The following IGSF8 variants were observed in gnomAD, a reference collection of about 807,000 sequenced individuals.
IGSF8 encodes CD81 partner 3.
A neutral mutation model predicts 55.5 loss-of-function variants in IGSF8; 46 were observed. The observed-to-expected ratio is 0.83, with a 90% CI of 0.65 to 1.06. The LOEUF (loss-of-function observed/expected upper bound fraction) is 1.06. Among genes scored for constraint, IGSF8 ranks in the 50% least tolerant of loss-of-function variants. IGSF8 has a pLI of 0.00. For synonymous variants in IGSF8, 314 were observed against 356.1 expected (o/e 0.88, Z 1.33); for missense variants, 731 against 832.3 (o/e 0.88, Z 1.50).
At position 160,092,532 on chromosome 1, in the gene IGSF8, G is replaced by C. The variant is rs778668765; in HGVS notation, c.1476C>G (p.Val492=). Residue 492 remains valine, a synonymous_variant, in exon 5 of 7, where the codon GTC becomes GTG. Transcript: ENST00000314485. ...CTACGCCACCCACCAGCTGGGCAGGGACAGAGCTGAGCTCTCCGTCCTCTG... is the reference window on the plus strand; with the variant it reads ...CTACGCCACCCACCAGCTGGGCAGGCACAGAGCTGAGCTCTCCGTCCTCTG... ...ERPEDGELSS[V]PAQLVGGVGQ... The C allele has an allele frequency of 6.2e-7, 1 of 1,612,710 alleles. No homozygotes were observed. Among genetic ancestry groups the C allele is most frequent in the Admixed American group, 1.7e-5 (1 of 59,968 alleles).
At position 160,092,557 on chromosome 1, in the gene IGSF8, G is replaced by C. The variant is rs1200262723; in HGVS notation, c.1451C>G (p.Pro484Arg). 1.2e-6 allele frequency: 2 copies of C among 1,611,028 alleles called. No individual in the cohort carries two copies. Among genetic ancestry groups the C allele is most frequent in the South Asian group, 1.1e-5 (1 of 91,026 alleles). Residue 484 changes from proline (P) to arginine (R), a missense_variant, in exon 5 of 7, where the codon CCA becomes CGA. Coordinates refer to ENST00000314485, the MANE Select transcript of IGSF8 (RefSeq NM_052868.6). The part of the protein sequence containing the change: ...RLAASWWVER[P>R]EDGELSSVPA... ...GACAGAGCTGAGCTCTCCGTCCTCT[G>C]GTCGCTCCACCCACCAGCTGGCGGC... is the stretch of plus-strand genomic sequence containing the variant.
rs771422536 is a variant in IGSF8, at chr1:160,091,813, G to T, written c.*10C>A. 1.9e-6 allele frequency: 3 copies of T among 1,581,558 alleles called. No individual in the cohort carries two copies. The South Asian group carries it at 3.3e-5, about 17-fold the overall frequency. On this transcript the variant is annotated 3_prime_UTR_variant, in exon 6 of 7. Transcript: ENST00000314485. The stretch of plus-strand genomic sequence containing the variant: ...GGGGGGTTCTTTTCCCTCACCTGGG[G>T]AGTAAGGGATCACCGTTTTCGAAGC...
chr1:160,092,825 T>C (rs1457564186), intron 4 of IGSF8, 99 bp downstream of exon 4: 11 of 1,488,866 alleles, frequency 7.4e-6, no homozygotes, highest in African/African-American at 1.4e-5. Context: ...CGTGAGGCTG[T>C]GGCCTGCAAA....
Position 160,093,296 on chromosome 1 carries a change from G to C in IGSF8, c.940C>G (p.Arg314Gly), listed in dbSNP as rs768489731. The change falls in exon 4 of 7, where the codon CGT becomes GGT. Residue 314 changes from arginine (R) to glycine (G), a missense_variant. Coordinates refer to ENST00000314485, the MANE Select transcript of IGSF8 (RefSeq NM_052868.6). ...AAGGGCTCCCCTGGGCCGATCCGACGTTCACCAGGCCCCACTGTCACTGCC... is the reference window on the plus strand; with the variant it reads ...AAGGGCTCCCCTGGGCCGATCCGACCTTCACCAGGCCCCACTGTCACTGCC... ...QLAVTVGPGE[R>G]RIGPGEPLEL... 6.2e-7 allele frequency: 1 copy of C among 1,601,666 alleles called. No individual in the cohort carries two copies. The highest frequency in any genetic ancestry group is 1.1e-5 in the South Asian group (1 of 90,464).
In IGSF8 at chr1:160,091,544, AG is replaced by A. The variant is rs1472443266; in HGVS notation, c.*79del. 4 of 440,888 alleles carry A rather than the reference AG, an allele frequency of 9.1e-6. No homozygotes were observed. The highest frequency in any genetic ancestry group is 1.7e-5 in the Non-Finnish European group (4 of 239,734). 27.3% of individuals were successfully genotyped at this position (440,888 alleles called of 1,614,324 possible). A position where few individuals can be genotyped will look rare whatever the true frequency, so the allele number is the denominator to read the frequency against. Reference sequence around the variant, plus strand: ...TTAAAGGAAGAGTGGACAGAGGGAGAGGGTGTCCAGGCAACCAGAGGAGGGC... The same window carrying A: ...TTAAAGGAAGAGTGGACAGAGGGAGAGGTGTCCAGGCAACCAGAGGAGGGC... On this transcript the variant is annotated 3_prime_UTR_variant, in exon 7 of 7. Transcript: ENST00000314485.
intron 1 of IGSF8, 39 bp downstream of exon 1, chr1:160,098,370 C>G (rs1372127394): frequency 6.4e-7 from 1 of 1,552,068 alleles, no homozygotes; most frequent in Admixed American, 2.0e-5. Context: ...CAGGCACCTG[C>G]CCGGCAGGGC....
intron 4 of IGSF8, 113 bp downstream of exon 4, chr1:160,092,811 G>A (rs1007049755): frequency 2.0e-6 from 3 of 1,488,976 alleles, no homozygotes; most frequent in African/African-American, 2.8e-5. Flanking sequence ...TGGTAGAAGA[G>A]GAGCGTGAGG....
chr1:160,093,209 C>CAG lies in IGSF8; in HGVS notation c.1025_1026dup (p.Val343LeufsTer2), dbSNP rs764912001. 1 of 1,614,036 alleles carries CAG rather than the reference C, an allele frequency of 6.2e-7. No individual in the cohort carries two copies. Among genetic ancestry groups the CAG allele is most frequent in the Non-Finnish European group, 8.5e-7 (1 of 1,179,960 alleles). Reference sequence around the variant, plus strand: ...CCCGCAGGTGCCATCTCCCAACCTACAGAGTATGCAGCATGACGGCCTGCT... The same window carrying CAG: ...CCCGCAGGTGCCATCTCCCAACCTACAGAGAGTATGCAGCATGACGGCCTGCT... On this transcript the variant is annotated frameshift_variant, in exon 4 of 7. Coordinates refer to ENST00000314485, the MANE Select transcript of IGSF8 (RefSeq NM_052868.6). LOFTEE classifies it high-confidence loss of function.
chr1:160,091,912 G>T lies in IGSF8; in HGVS notation c.1753C>A (p.Leu585Met), dbSNP rs1557984113. 6.2e-7 allele frequency: 1 copy of T among 1,613,642 alleles called. No individual in the cohort carries two copies. The highest frequency in any genetic ancestry group is 2.2e-5 in the East Asian group (1 of 44,876). ...HALDTLFVPL[L>M]VGTGVALVTG... ...ACTAGGGCCACCCCTGTACCCACCAGCAGAGGCACAAATAGGGTGTCCAGG... is the reference window on the plus strand; with the variant it reads ...ACTAGGGCCACCCCTGTACCCACCATCAGAGGCACAAATAGGGTGTCCAGG... Residue 585 changes from leucine to methionine, a missense_variant, in exon 6 of 7, where the codon CTG becomes ATG. Leu to Met is a conservative substitution (Grantham distance 15). Transcript: ENST00000314485.
intron 1 of IGSF8, among the ~76,000 whole-genome samples, chr1:160,097,201 G>A (rs1402190112): frequency 2.6e-5 from 4 of 152,294 alleles, no homozygotes; most frequent in African/African-American, 7.2e-5. Flanking sequence ...AGACCTCTGC[G>A]TGCTCCTTTT....
chr1:160,093,001 A>T lies in IGSF8; in HGVS notation c.1235T>A (p.Val412Asp). ...GTYRCLAKAY[V>D]RGSGTRLREA... Reference sequence around the variant, plus strand: ...ACGAAGCCGGGTCCCAGACCCTCGAACATAGGCTTTGGCGAGGCAGCGGTA... The same window carrying T: ...ACGAAGCCGGGTCCCAGACCCTCGATCATAGGCTTTGGCGAGGCAGCGGTA... The change falls in exon 4 of 7, where the codon GTT becomes GAT. Residue 412 changes from valine (V) to aspartate (D), a missense_variant. Physicochemically the swap from Val to Asp is radical, Grantham distance 152 (BLOSUM62 -3). Coordinates refer to ENST00000314485, the MANE Select transcript of IGSF8 (RefSeq NM_052868.6). 6.2e-7 allele frequency: 1 copy of T among 1,614,082 alleles called. No homozygotes were observed. The highest frequency in any genetic ancestry group is 8.5e-7 in the Non-Finnish European group (1 of 1,179,938).
At chr1:160,098,718 C>A, upstream of IGSF8, 1 of 471,080 alleles carries the variant, frequency 2.1e-6, no homozygotes, top group Non-Finnish European at 3.8e-6. Context: ...TTCCACCGCC[C>A]CGTCTAGGCC....
At position 160,093,006 on chromosome 1, in the gene IGSF8, G is replaced by C; in HGVS notation, c.1230C>G (p.Ala410=). The C allele has an allele frequency of 1.9e-6, 3 of 1,614,130 alleles. No individual in the cohort carries two copies. Among genetic ancestry groups the C allele is most frequent in the Non-Finnish European group, 2.5e-6 (3 of 1,179,964 alleles). ...GCCGGGTCCCAGACCCTCGAACATAGGCTTTGGCGAGGCAGCGGTAGGTGC... is the reference window on the plus strand; with the variant it reads ...GCCGGGTCCCAGACCCTCGAACATACGCTTTGGCGAGGCAGCGGTAGGTGC... The part of the protein sequence containing the change: ...DAGTYRCLAK[A]YVRGSGTRLR... The change falls in exon 4 of 7, where the codon GCC becomes GCG. Residue 410 remains alanine, a synonymous_variant. Coordinates refer to ENST00000314485, the MANE Select transcript of IGSF8 (RefSeq NM_052868.6).
rs1650203613 is a variant in IGSF8 at position 160,093,820 on chromosome 1, G to A, written c.794C>T (p.Ala265Val). 6.2e-7 allele frequency: 1 copy of A among 1,614,028 alleles called. No individual in the cohort carries two copies. Among genetic ancestry groups the A allele is most frequent in the Non-Finnish European group, 8.5e-7 (1 of 1,179,896 alleles). ...AGCGGCAGTGCAGTGGTAGGTGCCT[G>A]CGTCCCCTGCCTGGGCACCCCCTAC... Reference protein sequence around the residue: ...MVVGGAQAGDAGTYHCTAAEW... With the variant: ...MVVGGAQAGDVGTYHCTAAEW... The change falls in exon 3 of 7, where the codon GCA becomes GTA. Residue 265 changes from alanine to valine, a missense_variant. Physicochemically the swap from Ala to Val is moderately conservative, Grantham distance 64. Coordinates refer to ENST00000314485, the MANE Select transcript of IGSF8 (RefSeq NM_052868.6).
intron 1 of IGSF8, chr1:160,098,046 C>A: frequency 3.3e-6 from 3 of 922,384 alleles, no homozygotes; most frequent in Non-Finnish European, 3.9e-6. Context: ...GGGCGGGCAC[C>A]CAAGGCCAGG....
At chr1:160,098,285 C>A in intron 1 of IGSF8, 124 bp downstream of exon 1, 1 of 1,380,764 alleles carries the variant, frequency 7.2e-7, no homozygotes, top group South Asian at 1.5e-5. Context: ...TGGACGCCGA[C>A]CCCGGGGAGG....
In IGSF8 at chr1:160,098,433, G is replaced by T. The variant is rs200932191; in HGVS notation, c.40C>A (p.Pro14Thr). 5.8e-6 allele frequency: 9 copies of T among 1,547,814 alleles called. No homozygotes were observed. Among genetic ancestry groups the T allele is most frequent in the Non-Finnish European group, 7.9e-6 (9 of 1,145,886 alleles). The change falls in exon 1 of 7, where the codon CCG (proline) becomes ACG (threonine). Residue 14 changes from proline (P) to threonine (T), a missense_variant. Physicochemically the swap from Pro to Thr is conservative, Grantham distance 38. Coordinates refer to ENST00000314485, the MANE Select transcript of IGSF8 (RefSeq NM_052868.6). ...CCTAGCATTAGCAGCAGCAGCAGCG[G>T]CAGCGAAGGCGGCAGCAGCGTGGGC... ...LRPTLLPPSL[P>T]LLLLLMLGMG... is the part of the protein sequence containing the mutation.
At position 160,095,024 on chromosome 1, in the gene IGSF8, A is replaced by T; in HGVS notation, c.287T>A (p.Val96Glu). Residue 96 changes from valine (V) to glutamate (E), a missense_variant, in exon 2 of 7, where the codon GTG (valine) becomes GAG (glutamate). Physicochemically the swap from Val to Glu is moderately radical, Grantham distance 121 (BLOSUM62 -2). Coordinates refer to ENST00000314485, the MANE Select transcript of IGSF8 (RefSeq NM_052868.6). ...GCGCTGCACCTGCACCTCACCCGCC[A>T]CCACTCGGGACTTGAAGACAGCATA... ...FSYAVFKSRV[V>E]AGEVQVQRLQ... 6.2e-7 allele frequency: 1 copy of T among 1,614,136 alleles called. No individual in the cohort carries two copies. Among genetic ancestry groups the T allele is most frequent in the Non-Finnish European group, 8.5e-7 (1 of 1,180,030 alleles).
At position 160,094,408 on chromosome 1, in the gene IGSF8, T is replaced by C. The variant is rs1357996570; in HGVS notation, c.443-237A>G. On this transcript the variant is annotated intron_variant, in intron 2 of 6. Transcript: ENST00000314485. This position sits in a 1 kb window ranked among gnomAD's most constrained non-coding sequence, Gnocchi z 4.0. ...GCCCATCGCCTACTCACCCTTATGTTTGAGACTGACCTCTGTTTGAAATAC... is the reference window on the plus strand; with the variant it reads ...GCCCATCGCCTACTCACCCTTATGTCTGAGACTGACCTCTGTTTGAAATAC... 6.6e-6 allele frequency among the ~76,000 whole-genome samples: 1 copy of C among 152,214 alleles called. No individual in the cohort carries two copies. The highest frequency in any genetic ancestry group is 6.5e-5 in the Admixed American group (1 of 15,290).
Sources: gnomAD v4.1 joint callset for allele counts (sites outside exome capture counted in the v4.1 genomes callset) on GRCh38, gnomAD v4.1.1 for gene constraint, Gnocchi (gnomAD v3.1) non-coding constraint, MANE v1.5 for transcripts, NCBI Gene and HGNC (gene_info 2026-07-23, HGNC 2026-07-21) for gene names.